Variants in HSD17B4 observed in about 807,000 individuals in gnomAD.
HSD17B4 encodes peroxisomal multifunctional enzyme type 2.
Under a neutral mutation model 101.0 loss-of-function variants are expected in HSD17B4, and 70 were observed. That is an observed-to-expected ratio of 0.69 (90% CI 0.57 to 0.85). The LOEUF (loss-of-function observed/expected upper bound fraction) is 0.85. HSD17B4 is among the 40% of genes least tolerant of loss of function. The pLI is 0.00. For missense variants in HSD17B4, 984 were observed against 892.4 expected (o/e 1.10, Z -1.31); for synonymous variants, 347 against 297.1 (o/e 1.17, Z -1.73).
chr5:119,517,711 C>T (rs192553696), intron 17 of HSD17B4, among the ~76,000 whole-genome samples: 12 of 152,230 alleles, frequency 7.9e-5, no homozygotes, highest in African/African-American at 2.6e-4. Flanking sequence ...CCAGTGGACA[C>T]TCTGTATCTA....
intron 17 of HSD17B4, among the ~76,000 whole-genome samples, chr5:119,517,470 C>T (rs1270183003): frequency 2.0e-5 from 3 of 152,260 alleles, no homozygotes; most frequent in African/African-American, 7.2e-5. Context: ...CCATCGACCA[C>T]CCAAGGGCTG....
At chr5:119,486,492 T>C (rs1192050829) in intron 8 of HSD17B4, among the ~76,000 whole-genome samples, 1 of 152,154 alleles carries the variant, frequency 6.6e-6, no homozygotes, top group Non-Finnish European at 1.5e-5. Context: ...TTAATAAAAA[T>C]TGCATGAATA....
At chr5:119,492,327 A>G (rs1750183677) in intron 10 of HSD17B4, 2 of 599,750 alleles carry the variant, frequency 3.3e-6, no homozygotes, top group Admixed American at 2.8e-5. Flanking sequence ...TCAAGACCCT[A>G]TCTATTCTTC....
intron 9 of HSD17B4, 131 bp downstream of exon 9, chr5:119,489,414 A>G: frequency 1.5e-6 from 1 of 682,776 alleles, no homozygotes; most frequent in Non-Finnish European, 2.6e-6. Context: ...GTGTTGACTA[A>G]TATCCATTTT....
At chr5:119,473,086 T>C (rs1748153044) in intron 2 of HSD17B4, among the ~76,000 whole-genome samples, 1 of 152,162 alleles carries the variant, frequency 6.6e-6, no homozygotes, top group Non-Finnish European at 1.5e-5. Context: ...GCAGTGAACA[T>C]TGGAGTGCTA....
At chr5:119,503,378 C>T (rs1427165558) in intron 14 of HSD17B4, among the ~76,000 whole-genome samples, 2 of 151,744 alleles carry the variant, frequency 1.3e-5, no homozygotes, top group African/African-American at 4.8e-5. Context: ...TTTTTTTTTA[C>T]CTCCTTAGCC....
chr5:119,541,313 G>A (rs1420967813), intron 23 of HSD17B4, among the ~76,000 whole-genome samples: 2 of 152,088 alleles, frequency 1.3e-5, no homozygotes, highest in African/African-American at 4.8e-5. Context: ...GTTATTTAGG[G>A]ACTGTTGTTA....
chr5:119,519,577 C>G (rs1351662870), intron 17 of HSD17B4, among the ~76,000 whole-genome samples: 1 of 152,158 alleles, frequency 6.6e-6, no homozygotes, highest in Admixed American at 6.5e-5. Context: ...CCAGAAAGTG[C>G]TTACTATCTG....
At chr5:119,527,498 C>G (rs901661855) in intron 20 of HSD17B4, among the ~76,000 whole-genome samples, 8 of 151,866 alleles carry the variant, frequency 5.3e-5, no homozygotes, top group African/African-American at 1.9e-4. Flanking sequence ...TTCTGAAAAC[C>G]CAGCCAACCA....
intron 2 of HSD17B4, among the ~76,000 whole-genome samples, chr5:119,469,075 T>A (rs1468526627): frequency 2.0e-5 from 3 of 151,964 alleles, no homozygotes; most frequent in Non-Finnish European, 2.9e-5. Flanking sequence ...CTGTTTTTTT[T>A]AATGATATAT....
chr5:119,470,415 A>G (rs1386174381), intron 2 of HSD17B4, among the ~76,000 whole-genome samples: 1 of 152,152 alleles, frequency 6.6e-6, no homozygotes, highest in Non-Finnish European at 1.5e-5. Flanking sequence ...TCATACTGTA[A>G]CAGCTTGGGT....
At chr5:119,490,985 T>C (rs983376500) in intron 9 of HSD17B4, among the ~76,000 whole-genome samples, 1 of 152,194 alleles carries the variant, frequency 6.6e-6, no homozygotes, top group Non-Finnish European at 1.5e-5. Flanking sequence ...GAGGAACATT[T>C]AGCATGCATG....
At position 119,486,820 on chromosome 5, in the gene HSD17B4, A is replaced by G. The variant is rs142149548; in HGVS notation, c.623-2372A>G. On this transcript the variant is annotated intron_variant, in intron 8 of 23. Coordinates refer to ENST00000510025, the MANE Select transcript of HSD17B4 (RefSeq NM_000414.4). ...GTCAGGAAGGGTACAAATGCTAATCAATAGTTAACTTTTCTTTATAATATA... is the reference window on the plus strand; with the variant it reads ...GTCAGGAAGGGTACAAATGCTAATCGATAGTTAACTTTTCTTTATAATATA... Among the ~76,000 whole-genome samples the G allele has an allele frequency of 9.7e-4, 148 of 152,316 alleles. 1 individual carries two copies. The highest frequency in any genetic ancestry group is 3.4e-3 in the Middle Eastern group (1 of 294).
In HSD17B4 at chr5:119,501,493, T is replaced by G. The variant is rs1422425691; in HGVS notation, c.1210-548T>G. On this transcript the variant is annotated intron_variant, in intron 13 of 23. Coordinates refer to ENST00000510025, the MANE Select transcript of HSD17B4 (RefSeq NM_000414.4). ...ACATTGAGGTTAAGTGGCTATTAAGTTACACAGTGTCCTTAGTATCTACTC... is the reference window on the plus strand; with the variant it reads ...ACATTGAGGTTAAGTGGCTATTAAGGTACACAGTGTCCTTAGTATCTACTC... Among the ~76,000 whole-genome samples, 3 of 152,246 alleles carry G rather than the reference T, an allele frequency of 2.0e-5. No homozygotes were observed. In the East Asian group the frequency reaches 5.8e-4, roughly 29 times the overall value.
rs1175147740 is a variant in HSD17B4 at position 119,499,387 on chromosome 5, C to A, written c.1043C>A (p.Ala348Asp). Residue 348 changes from alanine to aspartate, a missense_variant, in exon 13 of 24, where the codon GCC (alanine) becomes GAC (aspartate). Coordinates refer to ENST00000510025, the MANE Select transcript of HSD17B4 (RefSeq NM_000414.4). ...AYTELEAIMY[A>D]LGVGASIKDP... The stretch of plus-strand genomic sequence containing the variant: ...ACGGAACTGGAAGCTATTATGTATG[C>A]CCTTGGAGTGGGAGCGTCAATCAAG... 1 of 1,613,702 alleles carries A rather than the reference C, an allele frequency of 6.2e-7. No homozygotes were observed. The highest frequency in any genetic ancestry group is 1.7e-5 in the Admixed American group (1 of 59,992).
intron 14 of HSD17B4, among the ~76,000 whole-genome samples, chr5:119,504,502 G>A (rs1227504366): frequency 6.6e-6 from 1 of 152,132 alleles, no homozygotes; most frequent in African/African-American, 2.4e-5. Context: ...GTATCTCATT[G>A]TGGTTTTGAT....
intron 8 of HSD17B4, among the ~76,000 whole-genome samples, chr5:119,484,840 C>A (rs906941089): frequency 3.3e-5 from 5 of 152,118 alleles, no homozygotes; most frequent in Middle Eastern, 6.8e-3. Context: ...AATTTTTTCC[C>A]CTGTTTCCTT....
intron 17 of HSD17B4, among the ~76,000 whole-genome samples, chr5:119,516,239 T>C (rs1471965123): frequency 6.6e-6 from 1 of 152,182 alleles, no homozygotes; most frequent in East Asian, 1.9e-4. Flanking sequence ...AAGAATGTGC[T>C]CATATTTATG....
At chr5:119,457,262 G>T (rs1754770360) in intron 2 of HSD17B4, among the ~76,000 whole-genome samples, 1 of 152,202 alleles carries the variant, frequency 6.6e-6, no homozygotes, top group South Asian at 2.1e-4. Context: ...GGATAAAACT[G>T]TGGGCCCACA....
Sources: gnomAD v4.1 joint callset for allele counts (sites outside exome capture counted in the v4.1 genomes callset) on GRCh38, gnomAD v4.1.1 for gene constraint, MANE v1.5 for transcripts, NCBI Gene and HGNC (gene_info 2026-07-23, HGNC 2026-07-21) for gene names.